Variants in C11orf58 observed in about 807,000 individuals in gnomAD.
C11orf58 encodes the protein small acidic protein.
In C11orf58, 5 loss-of-function variants were observed where a neutral mutation model predicts 22.7. That is an observed-to-expected ratio of 0.22 (90% CI 0.12 to 0.46). The LOEUF (loss-of-function observed/expected upper bound fraction) is 0.46, where lower values mean the gene tolerates loss of function less well. Ranked by LOEUF, C11orf58 falls within the 20% of genes least tolerant of loss-of-function variation. The pLI is 0.99. For missense variants in C11orf58, 151 were observed against 223.3 expected (o/e 0.68, Z 2.06); for synonymous variants, 71 against 70.7 (o/e 1.00, Z -0.02).
chr11:16,744,338 A>C, intron 1 of C11orf58: 1 of 371,136 alleles, frequency 2.7e-6, no homozygotes, highest in South Asian at 3.7e-5. Flanking sequence ...TGTTTTAACA[A>C]GCCCTCTAGG....
intron 2 of C11orf58, among the ~76,000 whole-genome samples, 182 bp downstream of exon 2, chr11:16,744,866 A>G (rs747342874): frequency 6.6e-6 from 1 of 152,190 alleles, no homozygotes; most frequent in African/African-American, 2.4e-5. Flanking sequence ...TTTTTGAGCC[A>G]CTTCTAGGAT....
At chr11:16,750,672 T>A (rs1301168209) in intron 3 of C11orf58, 2 of 154,210 alleles carry the variant, frequency 1.3e-5, no homozygotes, top group Non-Finnish European at 2.9e-5. Context: ...CAATGCTTGT[T>A]TTTGTGTGAT....
intron 4 of C11orf58, among the ~76,000 whole-genome samples, chr11:16,754,525 TAGTTTCTCTCTCTCTCTCTCCC>T (rs377450775): frequency 8.2e-6 from 1 of 122,560 alleles, no homozygotes; most frequent in Non-Finnish European, 1.8e-5. Context: ...TTTTTTTTTT[TAGTTTCTCTCTCTCTCTCTCCC>T]TTTTTTTTTT....
At chr11:16,739,039 A>AG (rs1427999283) in intron 1 of C11orf58, among the ~76,000 whole-genome samples, 198 bp downstream of exon 1, 1 of 152,046 alleles carries the variant, frequency 6.6e-6, no homozygotes, top group African/African-American at 2.4e-5. Context: ...ACACGCTGAG[A>AG]GCCGGAGACC....
intron 3 of C11orf58, chr11:16,752,476 A>G (rs1848541088): frequency 5.6e-6 from 1 of 178,842 alleles, no homozygotes; most frequent in African/African-American, 2.4e-5. Flanking sequence ...TCAAAGATAG[A>G]TAATTCTGTT....
At chr11:16,752,714 A>G in intron 3 of C11orf58, 71 bp from the exon 4 acceptor site, 1 of 1,034,360 alleles carries the variant, frequency 9.7e-7, no homozygotes, top group South Asian at 1.5e-5. Flanking sequence ...GTATAATAGC[A>G]TCTGTATTAT....
chr11:16,742,227 T>C lies in C11orf58; in HGVS notation c.64-2374T>C, dbSNP rs1331444150. ...AACTTCTATACATTTTTATAACTAG[T>C]TCATAGACCACTTTCATCTGTCTCA... is the stretch of plus-strand genomic sequence containing the variant. On this transcript the variant is annotated intron_variant, in intron 1 of 4. Coordinates refer to ENST00000228136, the MANE Select transcript of C11orf58 (RefSeq NM_014267.6). Among the ~76,000 whole-genome samples the C allele has an allele frequency of 3.9e-5, 6 of 152,208 alleles. No individual in the cohort carries two copies. The East Asian group carries it at 1.2e-3, about 29-fold the overall frequency.
intron 1 of C11orf58, chr11:16,739,495 C>T (rs1364756405): frequency 2.0e-5 from 3 of 152,756 alleles, no homozygotes; most frequent in Non-Finnish European, 4.4e-5. Context: ...CTTCCTCAGC[C>T]CTCACCTCAT....
Position 16,757,695 on chromosome 11 carries a change from A to G in C11orf58, c.*2591A>G, listed in dbSNP as rs961092465. Among the ~76,000 whole-genome samples the G allele has an allele frequency of 6.6e-6, 1 of 152,224 alleles. No individual in the cohort carries two copies. The highest frequency in any genetic ancestry group is 2.4e-5 in the African/African-American group (1 of 41,466). On this transcript the variant is annotated 3_prime_UTR_variant, in exon 5 of 5. Transcript: ENST00000228136. ...AGTTTAGTGGCAACTTTTCCATATC[A>G]TTCATGACTTAATACCTGAAATGCA...
chr11:16,742,594 C>A (rs1478249768), intron 1 of C11orf58, among the ~76,000 whole-genome samples: 1 of 152,106 alleles, frequency 6.6e-6, no homozygotes, highest in Non-Finnish European at 1.5e-5. Context: ...AGCCCTTCCA[C>A]TAATGAGAAT....
chr11:16,758,292 A>T lies in C11orf58; in HGVS notation c.*3188A>T, dbSNP rs187674421. 2.0e-5 allele frequency among the ~76,000 whole-genome samples: 3 copies of T among 152,342 alleles called. No homozygotes were observed. In the East Asian group the frequency reaches 5.8e-4, roughly 29 times the overall value. On this transcript the variant is annotated 3_prime_UTR_variant, in exon 5 of 5. Transcript: ENST00000228136. ...ACCCTCACCAGTTATTTCTGGAGAA[A>T]GATCACCAAATGTATAAATCCGTAT... is the stretch of plus-strand genomic sequence containing the variant.
At chr11:16,745,133 C>T (rs956025563) in intron 2 of C11orf58, among the ~76,000 whole-genome samples, 3 of 152,166 alleles carry the variant, frequency 2.0e-5, no homozygotes, top group East Asian at 1.9e-4. Flanking sequence ...TTTAAGACTA[C>T]ACTTTCAGAG....
At position 16,755,907 on chromosome 11, in the gene C11orf58, C is replaced by CTTTA. The variant is rs1848573328; in HGVS notation, c.*805_*808dup. 3 of 152,480 alleles carry CTTTA rather than the reference C, an allele frequency of 2.0e-5. No individual in the cohort carries two copies. The highest frequency in any genetic ancestry group is 2.9e-5 in the Non-Finnish European group (2 of 68,012). The allele number at this position is 152,480 out of a possible 1,614,324, so 9.4% of individuals were successfully genotyped here. On this transcript the variant is annotated 3_prime_UTR_variant, in exon 5 of 5. Transcript: ENST00000228136. The stretch of plus-strand genomic sequence containing the variant: ...AGTTTCCCATATTTGGCTGTGATAC[C>CTTTA]TTTATCCTCATTATCTACAAATGAG...
rs1848419545 is a variant in C11orf58, at chr11:16,738,917, G to A, written c.63+76G>A. 7 of 1,553,790 alleles carry A rather than the reference G, an allele frequency of 4.5e-6. No individual in the cohort carries two copies. In the South Asian group the frequency reaches 5.6e-5, roughly 12 times the overall value. ...AGTAGGCCGGGAAGGGTGGTTGGAG[G>A]AGGACGCGCCTGAGGTGGCCTGCAG... On this transcript the variant is annotated intron_variant, in intron 1 of 4. Coordinates refer to ENST00000228136, the MANE Select transcript of C11orf58 (RefSeq NM_014267.6).
At chr11:16,742,843 C>G (rs1325378630) in intron 1 of C11orf58, among the ~76,000 whole-genome samples, 1 of 152,094 alleles carries the variant, frequency 6.6e-6, no homozygotes, top group Admixed American at 6.6e-5. Flanking sequence ...CTTCAGTATG[C>G]TAAATGTGGG....
In C11orf58 at chr11:16,756,908, C is replaced by CAAAAAAAAAAA. The variant is rs55803725; in HGVS notation, c.*1814_*1824dup. 1 of 97,022 alleles carries CAAAAAAAAAAA rather than the reference C, an allele frequency of 1.0e-5. No homozygotes were observed. The highest frequency in any genetic ancestry group is 2.0e-5 in the Non-Finnish European group (1 of 49,752). The allele number at this position is 97,022 out of a possible 1,614,324, so 6.0% of individuals were successfully genotyped here. A position where few individuals can be genotyped will look rare whatever the true frequency, so the allele number is the denominator to read the frequency against. ...GGGCAACAAGAGCAAAACTCCATCT[C>CAAAAAAAAAAA]AAAAAAAAAAAAAAAAAAAATTTAG... On this transcript the variant is annotated 3_prime_UTR_variant, in exon 5 of 5. Transcript: ENST00000228136.
intron 4 of C11orf58, among the ~76,000 whole-genome samples, chr11:16,753,403 T>C (rs959136359): frequency 1.3e-5 from 2 of 151,688 alleles, no homozygotes; most frequent in Non-Finnish European, 2.9e-5. Flanking sequence ...CTCTCTCTGT[T>C]GCCCCAGGCT....
At chr11:16,754,820 T>C (rs1283318372) in intron 4 of C11orf58, 51 bp from the exon 5 acceptor site, 2 of 1,593,226 alleles carry the variant, frequency 1.3e-6, no homozygotes, top group Middle Eastern at 3.4e-4. Context: ...TTCTCAGATT[T>C]TGTATGGGCT....
intron 3 of C11orf58, 88 bp downstream of exon 3, chr11:16,748,245 T>G (rs1011310799): frequency 1.5e-5 from 17 of 1,117,870 alleles, no homozygotes; most frequent in African/African-American, 1.1e-4. Flanking sequence ...TACTTTGGCA[T>G]GTAATTGTGT....
Sources: gnomAD v4.1 joint callset for allele counts (sites outside exome capture counted in the v4.1 genomes callset) on GRCh38, gnomAD v4.1.1 for gene constraint, MANE v1.5 for transcripts, NCBI Gene and HGNC (gene_info 2026-07-23, HGNC 2026-07-21) for gene names.